GRM1: variants seen among roughly 807,000 people sequenced by gnomAD.
GRM1 encodes glutamate metabotropic receptor 1, also known as metabotropic glutamate receptor 1.
In GRM1, 33 loss-of-function variants were observed where a neutral mutation model predicts 90.9. The observed-to-expected ratio is 0.36, with a 90% CI of 0.28 to 0.49. GRM1 has a LOEUF of 0.49. Among genes scored for constraint, GRM1 ranks in the 20% least tolerant of loss-of-function variants. GRM1 has a pLI of 0.99. For synonymous variants in GRM1, 700 were observed against 613.2 expected (o/e 1.14, Z -2.09); for missense variants, 1,190 against 1,534.3 (o/e 0.78, Z 3.75).
intron 2 of GRM1, among the ~76,000 whole-genome samples, chr6:146,243,618 A>T (rs1780943840): frequency 6.6e-6 from 1 of 152,118 alleles, no homozygotes; most frequent in Non-Finnish European, 1.5e-5. Flanking sequence ...AGGTAATAAA[A>T]TATCACAAGG....
intron 1 of GRM1, among the ~76,000 whole-genome samples, chr6:146,136,462 A>G (rs1293080276): frequency 6.6e-6 from 1 of 152,178 alleles, no homozygotes; most frequent in Non-Finnish European, 1.5e-5. Flanking sequence ...GTCTTTTGGA[A>G]AAAGCCATTT....
chr6:146,421,478 C>T (rs944384016), intron 7 of GRM1, among the ~76,000 whole-genome samples: 1 of 152,010 alleles, frequency 6.6e-6, no homozygotes, highest in African/African-American at 2.4e-5. Context: ...TATGAATATA[C>T]ATATTCAACA....
In GRM1 at chr6:146,145,082, GT is replaced by G. The variant is rs1450612602; in HGVS notation, c.701-14264del. Among the ~76,000 whole-genome samples the G allele has an allele frequency of 5.3e-5, 8 of 152,294 alleles. No individual in the cohort carries two copies. In the East Asian group the frequency reaches 1.5e-3, roughly 29 times the overall value. Reference sequence around the variant, plus strand: ...TAAGCAAAACGGAAGAAGCTGCATGGTTGCTTTTGGCTGCTAATCCCGAAAT... The same window carrying G: ...TAAGCAAAACGGAAGAAGCTGCATGGTGCTTTTGGCTGCTAATCCCGAAAT... On this transcript the variant is annotated intron_variant, in intron 1 of 7. Coordinates refer to ENST00000282753, the MANE Select transcript of GRM1 (RefSeq NM_001278064.2).
intron 1 of GRM1, among the ~76,000 whole-genome samples, chr6:146,104,974 A>G (rs115672635): frequency 6.6e-6 from 1 of 152,192 alleles, no homozygotes; most frequent in East Asian, 1.9e-4. Context: ...TGAAGTAGGC[A>G]TGAGGGGATC....
intron 1 of GRM1, among the ~76,000 whole-genome samples, chr6:146,085,414 G>A (rs1463644480): frequency 3.3e-5 from 5 of 152,128 alleles, no homozygotes; most frequent in Admixed American, 3.3e-4. Flanking sequence ...AGAAATTTAA[G>A]ATGGTATAGA....
chr6:146,406,246 C>T (rs1777343603), intron 7 of GRM1, among the ~76,000 whole-genome samples: 1 of 152,164 alleles, frequency 6.6e-6, no homozygotes, highest in Non-Finnish European at 1.5e-5. Flanking sequence ...GAAGCACCAA[C>T]TCTGAGGATG....
At chr6:146,085,036 C>A (rs1776493492) in intron 1 of GRM1, among the ~76,000 whole-genome samples, 1 of 151,996 alleles carries the variant, frequency 6.6e-6, no homozygotes, top group Non-Finnish European at 1.5e-5. Flanking sequence ...TTTAGTCATG[C>A]CATTTTTTAA....
chr6:146,287,861 G>A (rs572290386), intron 2 of GRM1, among the ~76,000 whole-genome samples: 3 of 152,306 alleles, frequency 2.0e-5, no homozygotes, highest in South Asian at 4.1e-4. Context: ...TTCTCAAAAG[G>A]AAGACAGTCT....
chr6:146,352,229 G>T, intron 3 of GRM1, 21 bp from the exon 4 acceptor site: 1 of 1,611,858 alleles, frequency 6.2e-7, no homozygotes, highest in Non-Finnish European at 8.5e-7. Flanking sequence ...CCTTGGTAGT[G>T]ATCTATTTTT....
intron 1 of GRM1, among the ~76,000 whole-genome samples, chr6:146,074,422 G>A (rs546335843): frequency 1.3e-5 from 2 of 152,212 alleles, no homozygotes; most frequent in African/African-American, 4.8e-5. Context: ...CCATGCCTGA[G>A]AACTCACAGG....
intron 2 of GRM1, among the ~76,000 whole-genome samples, chr6:146,217,205 A>G (rs1013779368): frequency 6.6e-6 from 1 of 152,180 alleles, no homozygotes; most frequent in Admixed American, 6.5e-5. Context: ...AAAGTAATGA[A>G]AATTTCTCAT....
At chr6:146,181,108 A>G (rs572222240) in intron 2 of GRM1, among the ~76,000 whole-genome samples, 1 of 152,218 alleles carries the variant, frequency 6.6e-6, no homozygotes, top group African/African-American at 2.4e-5. Flanking sequence ...GCAATAACAC[A>G]CCTCAGGTAC....
intron 7 of GRM1, among the ~76,000 whole-genome samples, chr6:146,402,293 C>T (rs1777185122): frequency 6.6e-6 from 1 of 152,118 alleles, no homozygotes; most frequent in African/African-American, 2.4e-5. Context: ...TGAGGCTAAC[C>T]TTCTACGGAA....
intron 6 of GRM1, among the ~76,000 whole-genome samples, chr6:146,397,271 G>A (rs1037633888): frequency 6.6e-6 from 1 of 151,726 alleles, no homozygotes; most frequent in Non-Finnish European, 1.5e-5. Context: ...TCAGGAGATC[G>A]AGAACATCCT....
intron 2 of GRM1, among the ~76,000 whole-genome samples, chr6:146,294,741 G>A (rs964761100): frequency 2.0e-5 from 3 of 152,060 alleles, no homozygotes; most frequent in Non-Finnish European, 4.4e-5. Flanking sequence ...GTTACTTACT[G>A]TACAAATTTC....
rs143682838 is a variant in GRM1 at position 146,399,082 on chromosome 6, T to C, written c.2043T>C (p.Arg681=). 5.1e-4 allele frequency: 822 copies of C among 1,614,076 alleles called. 5 individuals are homozygous for C. The African/African-American group carries it at 9.7e-3, about 19-fold the overall frequency. Residue 681 remains arginine, a synonymous_variant, in exon 7 of 8, where the codon CGT becomes CGC. Coordinates refer to ENST00000282753, the MANE Select transcript of GRM1 (RefSeq NM_001278064.2). The surrounding 1 kb of genome is among the most constrained non-coding windows in gnomAD (Gnocchi z 5.4). ...CTGCTTTAGTGACTAAAACCAATCG[T>C]ATTGCACGCATCCTGGCTGGCAGCA... is the stretch of plus-strand genomic sequence containing the variant. The part of the protein sequence containing the change: ...CYSALVTKTN[R]IARILAGSKK...
chr6:146,348,221 A>G (rs896321596), intron 3 of GRM1, among the ~76,000 whole-genome samples: 1 of 152,226 alleles, frequency 6.6e-6, no homozygotes, highest in Non-Finnish European at 1.5e-5. Flanking sequence ...ACCAGGTGAC[A>G]ATGTTATTAG....
chr6:146,082,825 G>A lies in GRM1; in HGVS notation c.700+52608G>A, dbSNP rs759774316. On this transcript the variant is annotated intron_variant, in intron 1 of 7. Coordinates refer to ENST00000282753, the MANE Select transcript of GRM1 (RefSeq NM_001278064.2). ...GCATTGAATCTATACATTACTTCGGGCAGTATGGCCATTTTCATGATACTG... is the reference window on the plus strand; with the variant it reads ...GCATTGAATCTATACATTACTTCGGACAGTATGGCCATTTTCATGATACTG... 1.4e-4 allele frequency among the ~76,000 whole-genome samples: 21 copies of A among 152,130 alleles called. No individual in the cohort carries two copies. The East Asian group carries it at 3.1e-3, about 22-fold the overall frequency.
At chr6:146,217,027 A>ACTATGTTATATCACTATCAC (rs1242427874) in intron 2 of GRM1, among the ~76,000 whole-genome samples, 5 of 152,192 alleles carry the variant, frequency 3.3e-5, no homozygotes, top group Non-Finnish European at 7.3e-5. Flanking sequence ...ATTAATAGAC[A>ACTATGTTATATCACTATCAC]TATATGTCTA....
Sources: allele counts gnomAD v4.1 joint callset (sites outside exome capture counted in the v4.1 genomes callset), GRCh38; gene constraint gnomAD v4.1.1; non-coding constraint Gnocchi (gnomAD v3.1); transcripts MANE v1.5; gene names NCBI Gene and HGNC (gene_info 2026-07-23, HGNC 2026-07-21).